Variants in CEP83 observed in about 807,000 individuals in gnomAD.
CEP83 encodes the protein centrosomal protein of 83 kDa.
Under a neutral mutation model 101.9 loss-of-function variants are expected in CEP83, and 70 were observed. The observed-to-expected ratio is 0.69, with a 90% CI of 0.57 to 0.84. The LOEUF (loss-of-function observed/expected upper bound fraction) is 0.84, where lower values mean the gene tolerates loss of function less well. Among genes scored for constraint, CEP83 ranks in the 40% least tolerant of loss-of-function variants. CEP83 has a pLI of 0.00. For synonymous variants in CEP83, 264 were observed against 267.9 expected (o/e 0.99, Z 0.14); for missense variants, 715 against 787.2 (o/e 0.91, Z 1.10).
chr12:94,277,062 A>G, the CEP83 span: 4 of 121,504 alleles, frequency 3.3e-5, no homozygotes, highest in African/African-American at 1.3e-4. Flanking sequence ...AGCTCTTTAT[A>G]AACACCATAA....
intron 1 of CEP83, among the ~76,000 whole-genome samples, chr12:94,456,010 T>C (rs1314653814): frequency 6.8e-6 from 1 of 147,168 alleles, no homozygotes; most frequent in African/African-American, 2.5e-5. Flanking sequence ...ATTGCACCAC[T>C]ACGCTCCAGC....
Position 94,436,858 on chromosome 12 carries a change from AG to A in CEP83, c.-154-1532del, listed in dbSNP as rs1435654212. 4.0e-5 allele frequency among the ~76,000 whole-genome samples: 6 copies of A among 151,640 alleles called. No homozygotes were observed. In the South Asian group the frequency reaches 1.3e-3, roughly 32 times the overall value. On this transcript the variant is annotated intron_variant, in intron 1 of 16. Transcript: ENST00000397809. ...AAAAAAAAGAAAGAAGGAAAGAAAA[AG>A]AAAAGAAAAGAGAAGAAAAAATTAT...
intron 1 of CEP83, among the ~76,000 whole-genome samples, chr12:94,454,970 A>G (rs1187454554): frequency 1.3e-5 from 2 of 152,200 alleles, no homozygotes; most frequent in Non-Finnish European, 2.9e-5. Flanking sequence ...CAGCAAGACC[A>G]TGAACCCACC....
At chr12:94,328,138 C>A in intron 14 of CEP83, 1 of 187,218 alleles carries the variant, frequency 5.3e-6, no homozygotes, top group Non-Finnish European at 1.2e-5. Flanking sequence ...GAGACGTATA[C>A]CTTAGAATAA....
chr12:94,458,315 G>T (rs954782921), intron 1 of CEP83, among the ~76,000 whole-genome samples: 1 of 152,094 alleles, frequency 6.6e-6, no homozygotes, highest in African/African-American at 2.4e-5. Flanking sequence ...TACAGTCCGC[G>T]CACTTCATCT....
At chr12:94,319,846 G>A (rs1486550394) in intron 14 of CEP83, among the ~76,000 whole-genome samples, 1 of 152,190 alleles carries the variant, frequency 6.6e-6, no homozygotes, top group Non-Finnish European at 1.5e-5. Flanking sequence ...TGGATGTAGA[G>A]TTCTGTAGAG....
At chr12:94,285,767 C>G in the CEP83 span, among the ~76,000 whole-genome samples, 1 of 152,150 alleles carries the variant, frequency 6.6e-6, no homozygotes, top group African/African-American at 2.4e-5. Flanking sequence ...TGCAAGCCAG[C>G]ACCTCTCCCT....
chr12:94,265,892 T>C, the CEP83 span, among the ~76,000 whole-genome samples: 1 of 152,122 alleles, frequency 6.6e-6, no homozygotes, highest in Non-Finnish European at 1.5e-5. Flanking sequence ...AAAGCCCAGT[T>C]TGGGGCACAT....
At chr12:94,326,303 G>C (rs2058972967) in intron 14 of CEP83, among the ~76,000 whole-genome samples, 1 of 152,118 alleles carries the variant, frequency 6.6e-6, no homozygotes, top group Admixed American at 6.5e-5. Context: ...CAATAAACTG[G>C]TAAATATAGT....
At chr12:94,326,027 T>C (rs1009880096) in intron 14 of CEP83, among the ~76,000 whole-genome samples, 1 of 152,094 alleles carries the variant, frequency 6.6e-6, no homozygotes, top group Non-Finnish European at 1.5e-5. Flanking sequence ...CTAGATAGCC[T>C]AAGGATGGGG....
intron 11 of CEP83, among the ~76,000 whole-genome samples, chr12:94,344,598 T>C (rs2059846602): frequency 1.3e-5 from 2 of 152,114 alleles, no homozygotes; most frequent in Non-Finnish European, 1.5e-5. Flanking sequence ...ATTTATACCA[T>C]ATTTAGAAAT....
chr12:94,451,918 T>C (rs902637405), intron 1 of CEP83, among the ~76,000 whole-genome samples: 3 of 152,146 alleles, frequency 2.0e-5, no homozygotes, highest in Admixed American at 6.5e-5. Flanking sequence ...ACCTAGTGAA[T>C]GGGAAATACT....
At chr12:94,284,859 G>A in the CEP83 span, among the ~76,000 whole-genome samples, 1 of 152,230 alleles carries the variant, frequency 6.6e-6, no homozygotes, top group Non-Finnish European at 1.5e-5. Flanking sequence ...GCCATGGGAG[G>A]TCCTGAAGCA....
At chr12:94,458,531 G>C (rs1371458399) in intron 1 of CEP83, among the ~76,000 whole-genome samples, 1 of 151,996 alleles carries the variant, frequency 6.6e-6, no homozygotes. Flanking sequence ...CTGAGGTCGG[G>C]AGTTTGAGAC....
intron 6 of CEP83, among the ~76,000 whole-genome samples, chr12:94,399,395 CTTAGT>C (rs1487684982): frequency 7.2e-5 from 11 of 152,086 alleles, no homozygotes; most frequent in African/African-American, 2.7e-4. Context: ...TATCTTGTGC[CTTAGT>C]TTATTCATTT....
intron 6 of CEP83, among the ~76,000 whole-genome samples, chr12:94,380,279 T>C (rs904976752): frequency 3.9e-5 from 6 of 152,124 alleles, no homozygotes; most frequent in African/African-American, 1.4e-4. Flanking sequence ...AACAACCTTT[T>C]TAGTTTTAAC....
chr12:94,345,598 A>T (rs1009556808), intron 11 of CEP83, among the ~76,000 whole-genome samples: 2 of 151,934 alleles, frequency 1.3e-5, no homozygotes, highest in African/African-American at 4.8e-5. Flanking sequence ...AATATACTCC[A>T]ATCTTCCCCC....
intron 8 of CEP83, among the ~76,000 whole-genome samples, chr12:94,374,857 T>C (rs1326098028): frequency 6.6e-6 from 1 of 152,198 alleles, no homozygotes; most frequent in Non-Finnish European, 1.5e-5. Context: ...CTCTGTAATG[T>C]AGGTATTAGT....
the CEP83 span, among the ~76,000 whole-genome samples, chr12:94,300,411 G>A: frequency 3.3e-5 from 5 of 152,268 alleles, no homozygotes; most frequent in African/African-American, 1.2e-4. Flanking sequence ...GCACGTGCTT[G>A]CTTGGCCCAT....
Sources: allele counts gnomAD v4.1 joint callset (sites outside exome capture counted in the v4.1 genomes callset), GRCh38; gene constraint gnomAD v4.1.1; transcripts MANE v1.5; gene names NCBI Gene and HGNC (gene_info 2026-07-23, HGNC 2026-07-21).